The following BTBD2 variants were observed in gnomAD, a reference collection of about 807,000 sequenced individuals.
The protein encoded by BTBD2 is BTB/POZ domain-containing protein 2.
In BTBD2, 15 loss-of-function variants were observed where a neutral mutation model predicts 44.0. The observed-to-expected ratio is 0.34, with a 90% CI of 0.23 to 0.53. The LOEUF is 0.53. Among genes scored for constraint, BTBD2 ranks in the 20% least tolerant of loss-of-function variants. The probability of loss-of-function intolerance (pLI) is 0.95; values close to 1 mark genes in which losing one functional copy is unlikely to be tolerated. For synonymous variants in BTBD2, 443 were observed against 335.9 expected (o/e 1.32, Z -3.49); for missense variants, 657 against 746.4 (o/e 0.88, Z 1.39).
chr19:2,006,250 G>C (rs1370537011), intron 1 of BTBD2, among the ~76,000 whole-genome samples: 1 of 152,126 alleles, frequency 6.6e-6, no homozygotes, highest in Non-Finnish European at 1.5e-5. Flanking sequence ...GCACATGAGT[G>C]CCTAGTATTG....
intron 2 of BTBD2, among the ~76,000 whole-genome samples, chr19:1,994,448 G>A (rs2145628534): frequency 6.6e-6 from 1 of 152,064 alleles, no homozygotes; most frequent in East Asian, 1.9e-4. Context: ...TGGGCATGGT[G>A]AGATCCTGTC....
chr19:2,010,785 CG>C (rs1444471150), intron 1 of BTBD2, among the ~76,000 whole-genome samples: 13 of 152,244 alleles, frequency 8.5e-5, no homozygotes, highest in African/African-American at 3.1e-4. Flanking sequence ...ATTACAGGTG[CG>C]TGCCACCGCG....
chr19:1,986,467 G>A lies in BTBD2; in HGVS notation c.*21C>T. 1.2e-6 allele frequency: 2 copies of A among 1,610,060 alleles called. No individual in the cohort carries two copies. Among genetic ancestry groups the A allele is most frequent in the Non-Finnish European group, 1.7e-6 (2 of 1,176,920 alleles). On this transcript the variant is annotated 3_prime_UTR_variant, in exon 9 of 9. Coordinates refer to ENST00000255608, the MANE Select transcript of BTBD2 (RefSeq NM_017797.4). Reference sequence around the variant, plus strand: ...CTGCGGCTATCCCCACGGAGGGAGGGCGGTGTCGGTGTCGGGCAGCCTAGG... The same window carrying A: ...CTGCGGCTATCCCCACGGAGGGAGGACGGTGTCGGTGTCGGGCAGCCTAGG...
intron 1 of BTBD2, among the ~76,000 whole-genome samples, chr19:2,008,492 T>A (rs974084317): frequency 3.9e-5 from 6 of 151,946 alleles, no homozygotes; most frequent in African/African-American, 1.4e-4. Flanking sequence ...AGTTTCACTA[T>A]GTTGGCCAAG....
chr19:1,987,912 CTCA>C, intron 5 of BTBD2: 1 of 568,170 alleles, frequency 1.8e-6, no homozygotes. Context: ...GACAGATACG[CTCA>C]CTCAGGGGCG....
At chr19:2,008,408 T>G (rs1599360243) in intron 1 of BTBD2, among the ~76,000 whole-genome samples, 2 of 151,744 alleles carry the variant, frequency 1.3e-5, no homozygotes, top group South Asian at 4.2e-4. Flanking sequence ...TAAGCGGTTC[T>G]CCTGCCTCAG....
chr19:2,005,655 G>C (rs1386879963), intron 1 of BTBD2, among the ~76,000 whole-genome samples: 2 of 151,786 alleles, frequency 1.3e-5, no homozygotes, highest in Non-Finnish European at 1.5e-5. Flanking sequence ...AGTGGCCGGA[G>C]CCTGTAATCC....
chr19:2,012,665 G>T (rs1052700526), intron 1 of BTBD2, among the ~76,000 whole-genome samples: 1 of 152,114 alleles, frequency 6.6e-6, no homozygotes, highest in Admixed American at 6.6e-5. Context: ...TCCCAGGCCC[G>T]CCCACCTTAC....
chr19:2,011,354 C>T (rs1364763289), intron 1 of BTBD2, among the ~76,000 whole-genome samples: 1 of 152,108 alleles, frequency 6.6e-6, no homozygotes, highest in Non-Finnish European at 1.5e-5. Context: ...CTGCTACTCC[C>T]CAGCCTCGCT....
intron 1 of BTBD2, among the ~76,000 whole-genome samples, chr19:2,012,036 A>G (rs1422571664): frequency 6.7e-6 from 1 of 148,214 alleles, no homozygotes; most frequent in East Asian, 2.0e-4. Context: ...TTGTATTTTT[A>G]GTAGAGACGG....
chr19:1,987,280 C>A, intron 6 of BTBD2, 27 bp from the exon 7 acceptor site: 1 of 1,610,870 alleles, frequency 6.2e-7, no homozygotes, highest in Non-Finnish European at 8.5e-7. Context: ...CAGGCAGCAG[C>A]GTGGATACCC....
At position 1,990,005 on chromosome 19, in the gene BTBD2, T is replaced by C. The variant is rs2016150339; in HGVS notation, c.987A>G (p.Ala329=). 2 of 1,613,204 alleles carry C rather than the reference T, an allele frequency of 1.2e-6. No homozygotes were observed. Among genetic ancestry groups the C allele is most frequent in the Non-Finnish European group, 1.7e-6 (2 of 1,179,970 alleles). The change falls in exon 5 of 9, where the codon GCA becomes GCG. Residue 329 remains alanine, a splice_region_variant and synonymous_variant. Transcript: ENST00000255608. ...GCCCCTGAGCCCGAGCTCTGTTACCTGCAGCGAACTCCTCGATGGTCATGA... is the reference window on the plus strand; with the variant it reads ...GCCCCTGAGCCCGAGCTCTGTTACCCGCAGCGAACTCCTCGATGGTCATGA... ...FPLMTIEEFA[A]GPAQSGILVD...
rs548890636 is a variant in BTBD2, at chr19:2,001,602, C to G, written c.408-4139G>C. On this transcript the variant is annotated intron_variant, in intron 1 of 8. Coordinates refer to ENST00000255608, the MANE Select transcript of BTBD2 (RefSeq NM_017797.4). ...GCAACGTCCATGAAGAGCCTTAAACCACAGGGCTGAACCTCCAAGCTGGTG... is the reference window on the plus strand; with the variant it reads ...GCAACGTCCATGAAGAGCCTTAAACGACAGGGCTGAACCTCCAAGCTGGTG... Among the ~76,000 whole-genome samples, 11 of 152,332 alleles carry G rather than the reference C, an allele frequency of 7.2e-5. No homozygotes were observed. In the East Asian group the frequency reaches 1.3e-3, roughly 19 times the overall value.
At chr19:1,994,535 C>T (rs1178959247) in intron 2 of BTBD2, among the ~76,000 whole-genome samples, 5 of 151,910 alleles carry the variant, frequency 3.3e-5, no homozygotes, top group East Asian at 1.9e-4. Context: ...CTGAGGCAGG[C>T]GGATCATGAG....
chr19:2,013,617 G>A (rs2016495120), intron 1 of BTBD2: 2 of 988,788 alleles, frequency 2.0e-6, no homozygotes, highest in South Asian at 9.2e-5. Flanking sequence ...GAAGTGGGAG[G>A]TGGCAGGGCC....
Position 1,993,064 on chromosome 19 carries a change from T to G in BTBD2, c.640A>C (p.Lys214Gln). 1 of 1,606,046 alleles carries G rather than the reference T, an allele frequency of 6.2e-7. No individual in the cohort carries two copies. The highest frequency in any genetic ancestry group is 8.5e-7 in the Non-Finnish European group (1 of 1,179,282). ...ALEAHCVEFLKKNLRADNAFM... is the reference protein window; with the variant it reads ...ALEAHCVEFLQKNLRADNAFM... ...GCGTTGTCGGCTCGCAGGTTCTTCT[T>G]CAGGAACTCCACGCAATGGGCCTCG... Residue 214 changes from lysine (K) to glutamine (Q), a missense_variant, in exon 3 of 9, where the codon AAG (lysine) becomes CAG (glutamine). Physicochemically the swap from Lys to Gln is moderately conservative, Grantham distance 53. Around this residue, in one of 3 missense-constraint regions of BTBD2, gnomAD observed 449 missense variants for 510.9 expected, o/e 0.88. Coordinates refer to ENST00000255608, the MANE Select transcript of BTBD2 (RefSeq NM_017797.4).
chr19:1,989,782 G>A, intron 5 of BTBD2: 1 of 587,958 alleles, frequency 1.7e-6, no homozygotes, highest in Non-Finnish European at 3.0e-6. Flanking sequence ...ACAGACACGA[G>A]AGGCGGGGTC....
rs1312295967 is a variant in BTBD2 at position 1,989,877 on chromosome 19, T to C, written c.988+127A>G. 4.5e-6 allele frequency: 5 copies of C among 1,104,286 alleles called. No individual in the cohort carries two copies. The South Asian group carries it at 5.9e-5, about 13-fold the overall frequency. The allele number at this position is 1,104,286 out of a possible 1,614,324, so 68.4% of individuals were successfully genotyped here. ...CGTCCTCACAAGCCAGGTTTCTTCC[T>C]ATCTGTATATGCCAGGCATCTGCCA... On this transcript the variant is annotated intron_variant, in intron 5 of 8. Transcript: ENST00000255608.
intron 1 of BTBD2, among the ~76,000 whole-genome samples, chr19:1,998,802 C>T (rs940652754): frequency 1.6e-4 from 24 of 152,124 alleles, no homozygotes; most frequent in South Asian, 4.1e-4. Context: ...GGGGCACAGA[C>T]GCTGGTGGGG....
Sources: gnomAD v4.1 joint callset for allele counts (sites outside exome capture counted in the v4.1 genomes callset) on GRCh38, gnomAD v4.1.1 for gene constraint, gnomAD v4.1.1 regional missense constraint, MANE v1.5 for transcripts, NCBI Gene and HGNC (gene_info 2026-07-23, HGNC 2026-07-21) for gene names.